The following SCN7A variants were observed in gnomAD, a reference collection of about 807,000 sequenced individuals.
SCN7A encodes sodium channel protein type 7 subunit alpha.
SCN7A carries 138 observed loss-of-function variants against 155.2 expected under a neutral mutation model. The ratio of observed to expected loss-of-function variants is 0.89; its 90% CI spans 0.77 to 1.02. The LOEUF is 1.02. Ranked by LOEUF, SCN7A falls within the 50% of genes least tolerant of loss-of-function variation. SCN7A has a pLI of 0.00. For missense variants in SCN7A, 2,058 were observed against 1,986.6 expected, an observed-to-expected ratio of 1.04 and a Z score of -0.68; for synonymous variants, 693 against 649.0, an observed-to-expected ratio of 1.07 and a Z score of -1.03.
At chr2:166,454,332 C>A (rs1383267621) in intron 11 of SCN7A, among the ~76,000 whole-genome samples, 2 of 152,128 alleles carry the variant, frequency 1.3e-5, no homozygotes, top group African/African-American at 4.8e-5. Context: ...ACTCAATAGG[C>A]TTTTTTATAC....
chr2:166,429,258 C>T lies in SCN7A; in HGVS notation c.2609G>A (p.Ser870Asn), dbSNP rs1701684128. The T allele has an allele frequency of 6.5e-7, 1 of 1,532,784 alleles. No homozygotes were observed. Among genetic ancestry groups the T allele is most frequent in the East Asian group, 2.5e-5 (1 of 40,442 alleles). The allele number at this position is 1,532,784 out of a possible 1,614,324, so 94.9% of individuals were successfully genotyped here. The change falls in exon 17 of 26, where the codon AGC (serine) becomes AAC (asparagine). Residue 870 changes from serine (S) to asparagine (N), a missense_variant. Ser to Asn is a conservative substitution (Grantham distance 46). Transcript: ENST00000643258. ...ATCAACAGTACTGCATTCAGATGAG[C>T]TAGATTGCTTTATTTTCTAAAAGGT... ...GGSKEKIKQS[S>N]SSECSTVDIA...
intron 15 of SCN7A, 80 bp from the exon 16 acceptor site, chr2:166,432,832 G>T: frequency 1.0e-6 from 1 of 987,634 alleles, no homozygotes; most frequent in Non-Finnish European, 1.4e-6. Flanking sequence ...TTACAAAACT[G>T]ATGAGAACAT....
Position 166,423,385 on chromosome 2 carries a change from T to C in SCN7A, c.2901A>G (p.Leu967=), listed in dbSNP as rs1380593306. 1 of 1,601,740 alleles carries C rather than the reference T, an allele frequency of 6.2e-7. No homozygotes were observed. The highest frequency in any genetic ancestry group is 2.2e-5 in the East Asian group (1 of 44,602). The part of the protein sequence containing the change: ...YMDQRKTIKI[L]LEYADMIFTY... ...TAAAGATCATGTCAGCATATTCTAA[T>C]AAAATTTTAATTGTCTTTCTCTGAT... The change falls in exon 19 of 26, where the codon TTA becomes TTG. Residue 967 remains leucine, a synonymous_variant. Transcript: ENST00000643258.
chr2:166,409,211 T>G (rs1233161718), intron 25 of SCN7A, among the ~76,000 whole-genome samples: 1 of 151,998 alleles, frequency 6.6e-6, no homozygotes, highest in Non-Finnish European at 1.5e-5. Context: ...ATCTCCAAAG[T>G]AAGAGAAAAC....
chr2:166,473,361 A>AT (rs1313028039), intron 5 of SCN7A, among the ~76,000 whole-genome samples: 4 of 151,704 alleles, frequency 2.6e-5, no homozygotes, highest in Non-Finnish European at 4.4e-5. Flanking sequence ...ATATTCAAGG[A>AT]TTTTTTATGG....
At chr2:166,480,259 C>T (rs1326361908) in intron 2 of SCN7A, among the ~76,000 whole-genome samples, 2 of 152,010 alleles carry the variant, frequency 1.3e-5, no homozygotes, top group Non-Finnish European at 2.9e-5. Flanking sequence ...AGATCTAGAC[C>T]ATCCTGACTA....
chr2:166,406,726 T>G, intron 25 of SCN7A, 80 bp from the exon 26 acceptor site: 1 of 961,914 alleles, frequency 1.0e-6, no homozygotes, highest in East Asian at 2.5e-5. Flanking sequence ...ATTTTACACT[T>G]AATTGTTTTT....
rs1280583345 is a variant in SCN7A, at chr2:166,425,688, CCTT to C, written c.2853+2097_2853+2099del. 3.3e-5 allele frequency among the ~76,000 whole-genome samples: 5 copies of C among 152,048 alleles called. No homozygotes were observed. In the East Asian group the frequency reaches 7.7e-4, roughly 24 times the overall value. The stretch of plus-strand genomic sequence containing the variant: ...AATCTCTGCTTCTATCCTCACATCA[CCTT>C]CTTTTCTGACACCAACTCCTCCAGC... On this transcript the variant is annotated intron_variant, in intron 18 of 25. Coordinates refer to ENST00000643258, the MANE Select transcript of SCN7A (RefSeq NM_002976.4).
In SCN7A at chr2:166,494,074, C is replaced by T. The variant is rs1257017912; in HGVS notation, c.-234G>A. ...GGCTTCTCTTTCTCCACGGATCTCT[C>T]GGGTTTTCTGAGCTCTAGTTGTACA... is the stretch of plus-strand genomic sequence containing the variant. On this transcript the variant is annotated 5_prime_UTR_variant, in exon 1 of 26. Coordinates refer to ENST00000643258, the MANE Select transcript of SCN7A (RefSeq NM_002976.4). 6.6e-6 allele frequency: 1 copy of T among 152,474 alleles called. No homozygotes were observed. Among genetic ancestry groups the T allele is most frequent in the Admixed American group, 6.5e-5 (1 of 15,276 alleles). 9.4% of individuals were successfully genotyped at this position (152,474 alleles called of 1,614,324 possible).
chr2:166,439,041 ATGTGTGTGTGTGTG>A (rs201282077), intron 15 of SCN7A, among the ~76,000 whole-genome samples: 2 of 122,844 alleles, frequency 1.6e-5, no homozygotes, highest in African/African-American at 6.8e-5. Context: ...ACATACATAT[ATGTGTGTGTGTGTG>A]TATATATATA....
chr2:166,485,067 T>G (rs766463710), intron 2 of SCN7A, among the ~76,000 whole-genome samples: 28 of 152,086 alleles, frequency 1.8e-4, no homozygotes, highest in Non-Finnish European at 3.1e-4. Flanking sequence ...AAATAATCAA[T>G]GAACTACTAA....
rs187687612 is a variant in SCN7A at position 166,478,662 on chromosome 2, C to T, written c.-14-952G>A. Among the ~76,000 whole-genome samples the T allele has an allele frequency of 2.8e-3, 423 of 152,046 alleles. 5 individuals are homozygous for T. The highest frequency in any genetic ancestry group is 0.013 in the South Asian group (61 of 4,822). ...CTGATGGCATTTTTCTCTCTGTCATCAATCCTTATACAAAAAATAATTTTC... is the reference window on the plus strand; with the variant it reads ...CTGATGGCATTTTTCTCTCTGTCATTAATCCTTATACAAAAAATAATTTTC... On this transcript the variant is annotated intron_variant, in intron 2 of 25. Transcript: ENST00000643258.
At chr2:166,476,501 A>G (rs1702800828) in intron 3 of SCN7A, among the ~76,000 whole-genome samples, 2 of 151,960 alleles carry the variant, frequency 1.3e-5, no homozygotes, top group African/African-American at 4.8e-5. Context: ...CAGTCAGGTC[A>G]TGCTGTTTCT....
At chr2:166,475,737 G>A (rs980418731) in intron 3 of SCN7A, among the ~76,000 whole-genome samples, 1 of 151,924 alleles carries the variant, frequency 6.6e-6, no homozygotes, top group Non-Finnish European at 1.5e-5. Flanking sequence ...TTTAAGAGCT[G>A]AAACTGTTTT....
At chr2:166,451,728 C>A (rs180868750) in intron 11 of SCN7A, among the ~76,000 whole-genome samples, 2 of 152,184 alleles carry the variant, frequency 1.3e-5, no homozygotes, top group African/African-American at 2.4e-5. Context: ...TCATAGAAAC[C>A]TTTTCCGACT....
At chr2:166,453,140 C>A (rs955422203) in intron 11 of SCN7A, among the ~76,000 whole-genome samples, 9 of 152,136 alleles carry the variant, frequency 5.9e-5, no homozygotes, top group African/African-American at 1.9e-4. Flanking sequence ...ATGGCTAGTT[C>A]TACATTTCCC....
intron 15 of SCN7A, among the ~76,000 whole-genome samples, chr2:166,438,972 AATATAT>A (rs3058347): frequency 7.1e-6 from 1 of 141,038 alleles, no homozygotes; most frequent in Admixed American, 7.2e-5. Flanking sequence ...TGTTTAGGCA[AATATAT>A]ATATATATAT....
intron 3 of SCN7A, among the ~76,000 whole-genome samples, 156 bp downstream of exon 3, chr2:166,477,307 C>A (rs1702819718): frequency 6.6e-6 from 1 of 151,818 alleles, no homozygotes; most frequent in Non-Finnish European, 1.5e-5. Flanking sequence ...TATGTGTGTT[C>A]CCAAAATGAG....
chr2:166,428,890 C>T (rs981793163), intron 17 of SCN7A, among the ~76,000 whole-genome samples: 1 of 151,922 alleles, frequency 6.6e-6, no homozygotes, highest in Non-Finnish European at 1.5e-5. Flanking sequence ...TTTGTGTATA[C>T]ACATACACAT....
Sources: allele counts gnomAD v4.1 joint callset (sites outside exome capture counted in the v4.1 genomes callset), GRCh38; gene constraint gnomAD v4.1.1; transcripts MANE v1.5; gene names NCBI Gene and HGNC (gene_info 2026-07-23, HGNC 2026-07-21).